AGTPBP1: variants seen among roughly 807,000 people sequenced by gnomAD.
AGTPBP1 encodes ATP/GTP binding carboxypeptidase 1.
In AGTPBP1, 70 loss-of-function variants were observed where a neutral mutation model predicts 143.9. The observed-to-expected ratio is 0.49, with a 90% CI of 0.40 to 0.59. The LOEUF (loss-of-function observed/expected upper bound fraction) is 0.59, where lower values mean the gene tolerates loss of function less well. Among genes scored for constraint, AGTPBP1 ranks in the 20% least tolerant of loss-of-function variants. AGTPBP1 has a pLI of 0.00. For synonymous variants in AGTPBP1, 463 were observed against 500.2 expected, an observed-to-expected ratio of 0.93 and a Z score of 0.99; for missense variants, 1,229 against 1,464.5, an observed-to-expected ratio of 0.84 and a Z score of 2.62.
chr9:85,588,274 T>C (rs200526515), intron 21 of AGTPBP1, 24 bp downstream of exon 21: 4 of 1,568,998 alleles, frequency 2.5e-6, no homozygotes, highest in Non-Finnish European at 3.5e-6. Context: ...CTTGAATATA[T>C]TCTACAACTA....
intron 1 of AGTPBP1, among the ~76,000 whole-genome samples, chr9:85,718,979 AGATGTAT>A (rs1165776688): frequency 6.6e-6 from 1 of 152,100 alleles, no homozygotes; most frequent in Non-Finnish European, 1.5e-5. Flanking sequence ...AGATGGTTGC[AGATGTAT>A]GGTGTTATAT....
At chr9:85,672,521 A>G in intron 7 of AGTPBP1, 29 bp downstream of exon 7, 1 of 1,601,112 alleles carries the variant, frequency 6.2e-7, no homozygotes, top group Non-Finnish European at 8.5e-7. Flanking sequence ...TACAACACTG[A>G]GTTAACTAAA....
At chr9:85,547,390 A>T (rs1825793868) in intron 25 of AGTPBP1, 104 bp from the exon 26 acceptor site, 6 of 973,478 alleles carry the variant, frequency 6.2e-6, no homozygotes, top group Non-Finnish European at 8.4e-6. Context: ...AATATAATAT[A>T]AGCTGCATTA....
intron 17 of AGTPBP1, among the ~76,000 whole-genome samples, chr9:85,605,758 A>C (rs1042791377): frequency 8.5e-5 from 13 of 152,086 alleles, no homozygotes; most frequent in Admixed American, 7.9e-4. Flanking sequence ...GATCAAATTA[A>C]AGTATAGAGT....
intron 3 of AGTPBP1, among the ~76,000 whole-genome samples, chr9:85,691,552 T>C (rs1835880627): frequency 6.6e-6 from 1 of 151,464 alleles, no homozygotes; most frequent in South Asian, 2.1e-4. Flanking sequence ...TGTGTGTGTG[T>C]GTGTGTGTGT....
intron 3 of AGTPBP1, among the ~76,000 whole-genome samples, chr9:85,685,634 T>C (rs1835443480): frequency 1.3e-5 from 2 of 151,974 alleles, no homozygotes; most frequent in South Asian, 4.1e-4. Context: ...GTGACAAAAT[T>C]CTGTAGGCTA....
intron 2 of AGTPBP1, among the ~76,000 whole-genome samples, chr9:85,701,142 C>A (rs1169286689): frequency 2.0e-5 from 3 of 151,822 alleles, no homozygotes; most frequent in Non-Finnish European, 4.4e-5. Context: ...GAACTCCTGG[C>A]CTCAAGTGAT....
At chr9:85,607,311 A>T (rs1159770981) in intron 17 of AGTPBP1, among the ~76,000 whole-genome samples, 1 of 152,110 alleles carries the variant, frequency 6.6e-6, no homozygotes, top group African/African-American at 2.4e-5. Context: ...CATTACATTT[A>T]AAACAATGTA....
At chr9:85,665,052 C>T (rs1834051920) in intron 8 of AGTPBP1, among the ~76,000 whole-genome samples, 1 of 152,158 alleles carries the variant, frequency 6.6e-6, no homozygotes, top group South Asian at 2.1e-4. Context: ...TAAGTACATG[C>T]AGTTAATCAC....
rs138024620 is a variant in AGTPBP1 at position 85,580,398 on chromosome 9, T to G, written c.3166-1302A>C. On this transcript the variant is annotated intron_variant, in intron 23 of 25. Coordinates refer to ENST00000357081, the MANE Select transcript of AGTPBP1 (RefSeq NM_001330701.2). ...GAAAGATTTTTTTTCATTCTAAAGT[T>G]TTTTTTTTGTTTGTTTTTGAGATGG... is the stretch of plus-strand genomic sequence containing the variant. 3.4e-3 allele frequency among the ~76,000 whole-genome samples: 511 copies of G among 151,492 alleles called. 3 individuals carry two copies. The highest frequency in any genetic ancestry group is 6.8e-3 in the Middle Eastern group (2 of 294).
At position 85,696,108 on chromosome 9, in the gene AGTPBP1, C is replaced by T. The variant is rs576721256; in HGVS notation, c.33-3295G>A. Among the ~76,000 whole-genome samples, 14 of 152,280 alleles carry T rather than the reference C, an allele frequency of 9.2e-5. 1 individual carries two copies. In the South Asian group the frequency reaches 1.5e-3, roughly 16 times the overall value. ...CTGCCTGCCTTGGCCTTCCAAAGTG[C>T]TGGGATTACAGGTGTAAGCCACCAC... On this transcript the variant is annotated intron_variant, in intron 2 of 25. Transcript: ENST00000357081.
the AGTPBP1 span, among the ~76,000 whole-genome samples, chr9:85,792,746 TC>T: frequency 6.6e-6 from 1 of 151,982 alleles, no homozygotes; most frequent in Admixed American, 6.6e-5. Context: ...TGTTACATAG[TC>T]TTACTTTATC....
At chr9:85,668,343 T>C (rs1834258162) in intron 8 of AGTPBP1, among the ~76,000 whole-genome samples, 2 of 151,864 alleles carry the variant, frequency 1.3e-5, no homozygotes, top group African/African-American at 4.8e-5. Context: ...TTAGATTGTA[T>C]TAAGTAAGTA....
chr9:85,600,816 G>A (rs968530040), intron 17 of AGTPBP1, among the ~76,000 whole-genome samples: 6 of 152,096 alleles, frequency 3.9e-5, no homozygotes, highest in Non-Finnish European at 8.8e-5. Flanking sequence ...ATCCTGCCCC[G>A]AGGCCCAACA....
chr9:85,726,663 GA>G (rs1358439495), intron 1 of AGTPBP1, among the ~76,000 whole-genome samples: 5 of 152,156 alleles, frequency 3.3e-5, no homozygotes, highest in Non-Finnish European at 7.3e-5. Flanking sequence ...GTTGTCTGTG[GA>G]AAACAACTTT....
In AGTPBP1 at chr9:85,677,570, C is replaced by T. The variant is rs775194322; in HGVS notation, c.302G>A (p.Arg101Lys). The T allele has an allele frequency of 6.5e-7, 1 of 1,528,738 alleles. No individual in the cohort carries two copies. Among genetic ancestry groups the T allele is most frequent in the Non-Finnish European group, 8.7e-7 (1 of 1,146,818 alleles). 94.7% of individuals were successfully genotyped at this position (1,528,738 alleles called of 1,614,324 possible). A position where few individuals can be genotyped will look rare whatever the true frequency, so the allele number is the denominator to read the frequency against. Residue 101 changes from arginine to lysine, a missense_variant, in exon 6 of 26, where the codon AGA becomes AAA. Transcript: ENST00000357081. ...VELVSAGGGR[R>K]VSFLVTKGGS... Reference sequence around the variant, plus strand: ...ACCTTTGGTGACTAAGAAACTCACTCTTCGACCTCCACCTAAAAATTAAAA... The same window carrying T: ...ACCTTTGGTGACTAAGAAACTCACTTTTCGACCTCCACCTAAAAATTAAAA...
At chr9:85,752,380 C>G in the AGTPBP1 span, among the ~76,000 whole-genome samples, 9 of 152,116 alleles carry the variant, frequency 5.9e-5, no homozygotes, top group Admixed American at 5.9e-4. Context: ...TGCATTTCTA[C>G]TATAATAAAT....
At chr9:85,628,330 C>T (rs984704042) in intron 14 of AGTPBP1, among the ~76,000 whole-genome samples, 5 of 152,074 alleles carry the variant, frequency 3.3e-5, no homozygotes, top group Admixed American at 3.3e-4. Context: ...ATCTAATACC[C>T]ACAGAAATGT....
upstream of AGTPBP1, chr9:85,742,053 G>A: frequency 8.5e-7 from 1 of 1,175,818 alleles, no homozygotes; most frequent in Non-Finnish European, 1.1e-6. Context: ...GGCGTGCGAG[G>A]CCGCGAAAGG....
Sources: gnomAD v4.1 joint callset for allele counts (sites outside exome capture counted in the v4.1 genomes callset) on GRCh38, gnomAD v4.1.1 for gene constraint, MANE v1.5 for transcripts, NCBI Gene and HGNC (gene_info 2026-07-23, HGNC 2026-07-21) for gene names.